Variants in MYO10 observed in about 807,000 individuals in gnomAD.
The protein encoded by MYO10 is unconventional myosin-X.
MYO10 carries 133 observed loss-of-function variants against 257.3 expected under a neutral mutation model. The ratio of observed to expected loss-of-function variants is 0.52; its 90% CI spans 0.45 to 0.60. The LOEUF (loss-of-function observed/expected upper bound fraction) is 0.60. Ranked by LOEUF, MYO10 falls within the 20% of genes least tolerant of loss-of-function variation. The pLI, the probability that MYO10 is intolerant of heterozygous loss-of-function variation, is 0.00. For missense variants in MYO10, 2,399 were observed against 2,635.7 expected, an observed-to-expected ratio of 0.91 and a Z score of 1.97; for synonymous variants, 1,104 against 1,028.6, an observed-to-expected ratio of 1.07 and a Z score of -1.40.
In MYO10 at chr5:16,663,202, A is replaced by C. The variant is rs1034204880; in HGVS notation, c.*3490T>G. ...GGGATATATATGTATGTATGAGTAA[A>C]TGATTGGACAGCTTAAATTATTTTT... On this transcript the variant is annotated 3_prime_UTR_variant, in exon 41 of 41. Transcript: ENST00000513610. 6.6e-6 allele frequency: 1 copy of C among 152,164 alleles called. No individual in the cohort carries two copies. The highest frequency in any genetic ancestry group is 1.5e-5 in the Non-Finnish European group (1 of 68,026). 9.4% of individuals were successfully genotyped at this position (152,164 alleles called of 1,614,324 possible).
chr5:16,902,011 A>G (rs1048822878), intron 1 of MYO10, among the ~76,000 whole-genome samples: 1 of 152,106 alleles, frequency 6.6e-6, no homozygotes, highest in African/African-American at 2.4e-5. Context: ...TGCTTCTTTC[A>G]TGCACCCCAA....
intron 2 of MYO10, among the ~76,000 whole-genome samples, chr5:16,849,212 C>G (rs1468818036): frequency 6.6e-6 from 1 of 152,214 alleles, no homozygotes; most frequent in Non-Finnish European, 1.5e-5. Context: ...CATACATTTA[C>G]TGATTTCTGC....
At chr5:16,923,995 TGGGA>T (rs1305036830) in intron 1 of MYO10, among the ~76,000 whole-genome samples, 2 of 151,950 alleles carry the variant, frequency 1.3e-5, no homozygotes, top group Admixed American at 1.3e-4. Context: ...GAGGCTGAGG[TGGGA>T]GGATCGCCTG....
intron 2 of MYO10, among the ~76,000 whole-genome samples, chr5:16,821,977 T>G (rs1167521754): frequency 2.2e-5 from 1 of 46,258 alleles, no homozygotes; most frequent in Non-Finnish European, 7.0e-5. Context: ...AAACAATGTG[T>G]ATTTCAAAAA....
chr5:16,730,875 T>C (rs1382929888), intron 19 of MYO10, among the ~76,000 whole-genome samples: 2 of 152,020 alleles, frequency 1.3e-5, no homozygotes, highest in Non-Finnish European at 2.9e-5. Context: ...GGGTGGCTGA[T>C]GTTAGATGCT....
intron 4 of MYO10, among the ~76,000 whole-genome samples, chr5:16,789,078 G>C (rs1001165311): frequency 6.6e-6 from 1 of 152,180 alleles, no homozygotes; most frequent in African/African-American, 2.4e-5. Flanking sequence ...CACACATCAA[G>C]GCTGGCAGTT....
At chr5:16,832,501 G>C (rs1743190041) in intron 2 of MYO10, among the ~76,000 whole-genome samples, 1 of 152,110 alleles carries the variant, frequency 6.6e-6, no homozygotes, top group African/African-American at 2.4e-5. Flanking sequence ...CTAACCCTCT[G>C]GTTTTAAACA....
chr5:16,901,077 C>G (rs1033798668), intron 1 of MYO10, among the ~76,000 whole-genome samples: 2 of 152,074 alleles, frequency 1.3e-5, no homozygotes, highest in African/African-American at 2.4e-5. Flanking sequence ...TCCGGAGCAG[C>G]CTGTAGACTG....
At chr5:16,698,310 ATGACCACACCAC>A (rs1273436426) in intron 26 of MYO10, among the ~76,000 whole-genome samples, 6 of 152,208 alleles carry the variant, frequency 3.9e-5, no homozygotes, top group Non-Finnish European at 5.9e-5. Flanking sequence ...GCAGTGAGCC[ATGACCACACCAC>A]TGCCCTCTAG....
At position 16,822,863 on chromosome 5, in the gene MYO10, A is replaced by AT. The variant is rs1272551888; in HGVS notation, c.121-4697dup. ...CAACCACGCCCGGCTAATTTTTTGTATTTTTAGTAGAGACGGGGTTTCACT... is the reference window on the plus strand; with the variant it reads ...CAACCACGCCCGGCTAATTTTTTGTATTTTTTAGTAGAGACGGGGTTTCACT... On this transcript the variant is annotated intron_variant, in intron 2 of 40. Transcript: ENST00000513610. Among the ~76,000 whole-genome samples, 79 of 151,526 alleles carry AT rather than the reference A, an allele frequency of 5.2e-4. 1 individual carries two copies. In the East Asian group the frequency reaches 0.014, roughly 26 times the overall value.
At chr5:16,815,758 T>C (rs1429964404) in intron 3 of MYO10, among the ~76,000 whole-genome samples, 1 of 151,918 alleles carries the variant, frequency 6.6e-6, no homozygotes, top group Non-Finnish European at 1.5e-5. Flanking sequence ...GGGAAAGAGG[T>C]GGTTCACTGG....
At chr5:16,722,571 T>A (rs1369993560) in intron 19 of MYO10, among the ~76,000 whole-genome samples, 2 of 152,248 alleles carry the variant, frequency 1.3e-5, no homozygotes, top group African/African-American at 4.8e-5. Context: ...TTGAGCAATG[T>A]GCAAAGGCAA....
At chr5:16,891,719 G>A (rs938536955) in intron 1 of MYO10, among the ~76,000 whole-genome samples, 3 of 152,048 alleles carry the variant, frequency 2.0e-5, no homozygotes, top group Non-Finnish European at 4.4e-5. Context: ...TTCACTCCCT[G>A]GAATCCGTTA....
chr5:16,924,697 A>G (rs1746082370), intron 1 of MYO10, among the ~76,000 whole-genome samples: 1 of 152,230 alleles, frequency 6.6e-6, no homozygotes, highest in African/African-American at 2.4e-5. Flanking sequence ...CCTGCACATC[A>G]AAATGGCAAA....
At chr5:16,836,270 G>A (rs886889216) in intron 2 of MYO10, among the ~76,000 whole-genome samples, 2 of 152,034 alleles carry the variant, frequency 1.3e-5, no homozygotes, top group Admixed American at 1.3e-4. Flanking sequence ...TAAGGACAAA[G>A]GGGCTCTTAC....
chr5:16,752,671 A>G (rs375996511), intron 19 of MYO10, among the ~76,000 whole-genome samples: 3 of 152,316 alleles, frequency 2.0e-5, no homozygotes, highest in East Asian at 3.9e-4. Flanking sequence ...TAGAAAGAGG[A>G]GAGAACGCCA....
chr5:16,726,282 T>C (rs1458153526), intron 19 of MYO10, among the ~76,000 whole-genome samples: 1 of 151,892 alleles, frequency 6.6e-6, no homozygotes, highest in Non-Finnish European at 1.5e-5. Flanking sequence ...TGGATCTCTA[T>C]GGTGGTGGTG....
chr5:16,768,041 C>T (rs769671881), intron 10 of MYO10, among the ~76,000 whole-genome samples: 71 of 151,984 alleles, frequency 4.7e-4, no homozygotes, highest in Admixed American at 2.0e-3. Flanking sequence ...CAAAAGCTCT[C>T]GGGGGTTCTA....
chr5:16,812,471 G>A (rs1158429116), intron 3 of MYO10, among the ~76,000 whole-genome samples: 1 of 152,118 alleles, frequency 6.6e-6, no homozygotes, highest in Non-Finnish European at 1.5e-5. Context: ...TAAGGTTCAG[G>A]GGCTTCATAA....
Sources: gnomAD v4.1 joint callset for allele counts (sites outside exome capture counted in the v4.1 genomes callset) on GRCh38, gnomAD v4.1.1 for gene constraint, MANE v1.5 for transcripts, NCBI Gene and HGNC (gene_info 2026-07-23, HGNC 2026-07-21) for gene names.